Variants in ZNF362 observed in about 807,000 individuals in gnomAD.
The protein encoded by ZNF362 is zinc finger protein 362.
In ZNF362, 11 loss-of-function variants were observed where a neutral mutation model predicts 42.9. The ratio of observed to expected loss-of-function variants is 0.26; its 90% CI spans 0.16 to 0.42. The LOEUF is 0.42. Among genes scored for constraint, ZNF362 ranks in the 20% least tolerant of loss-of-function variants. The pLI is 1.00. For synonymous variants in ZNF362, 255 were observed against 257.3 expected, an observed-to-expected ratio of 0.99 and a Z score of 0.09; for missense variants, 362 against 576.2, an observed-to-expected ratio of 0.63 and a Z score of 3.81.
chr1:33,159,809 T>A, the ZNF362 span: 1 of 1,613,918 alleles, frequency 6.2e-7, no homozygotes, highest in Non-Finnish European at 8.5e-7. The surrounding 1 kb of genome is among the most constrained non-coding windows in gnomAD (Gnocchi z 4.2). Flanking sequence ...CGCTGGACTT[T>A]CTGCTCGATG....
intron 1 of ZNF362, among the ~76,000 whole-genome samples, chr1:33,263,082 CAT>C (rs1645840145): frequency 2.0e-5 from 3 of 152,378 alleles, no homozygotes; most frequent in East Asian, 1.9e-4. Context: ...TCCTTGTGCA[CAT>C]GTGTGTTTTT....
the ZNF362 span, among the ~76,000 whole-genome samples, chr1:33,250,381 A>G: frequency 0.03 from 4,606 of 152,332 alleles, 221 homozygotes; most frequent in African/African-American, 0.1. Flanking sequence ...TGTGCTACAT[A>G]TACACCATGG....
intron 2 of ZNF362, among the ~76,000 whole-genome samples, chr1:33,271,175 T>C (rs967399387): frequency 6.6e-6 from 1 of 152,220 alleles, no homozygotes; most frequent in African/African-American, 2.4e-5. Flanking sequence ...CCTTCAGGCC[T>C]AGGAGTCAGG....
the ZNF362 span, among the ~76,000 whole-genome samples, chr1:33,130,032 T>C: frequency 6.6e-6 from 1 of 152,136 alleles, no homozygotes; most frequent in Non-Finnish European, 1.5e-5. Flanking sequence ...GCTAATTTTG[T>C]ATTTTTAGTA....
At chr1:33,258,584 G>A (rs1645809228) in intron 1 of ZNF362, among the ~76,000 whole-genome samples, 1 of 152,150 alleles carries the variant, frequency 6.6e-6, no homozygotes, top group Admixed American at 6.5e-5. Context: ...CCAGGTAGAA[G>A]GAGACTGAGA....
At chr1:33,260,538 C>T (rs1221236887) in intron 1 of ZNF362, among the ~76,000 whole-genome samples, 2 of 152,244 alleles carry the variant, frequency 1.3e-5, no homozygotes, top group Non-Finnish European at 2.9e-5. Flanking sequence ...CACTCTCTCA[C>T]ATCAGCTGCT....
intron 6 of ZNF362, among the ~76,000 whole-genome samples, chr1:33,284,688 C>T (rs1557796343): frequency 6.6e-6 from 1 of 151,516 alleles, no homozygotes; most frequent in Non-Finnish European, 1.5e-5. Flanking sequence ...ATATTTTATT[C>T]CAGTTTATTG....
chr1:33,292,678 G>A (rs1213058033), intron 6 of ZNF362, among the ~76,000 whole-genome samples: 5 of 152,178 alleles, frequency 3.3e-5, no homozygotes, highest in African/African-American at 4.8e-5. Context: ...GGTAGAACTC[G>A]GCTGTGAATC....
upstream of ZNF362, among the ~76,000 whole-genome samples, chr1:33,254,290 A>T (rs1355300899): frequency 6.6e-6 from 1 of 151,942 alleles, no homozygotes; most frequent in Admixed American, 6.6e-5. Context: ...CGCCTGGCTA[A>T]TTTTTGTATT....
intron 6 of ZNF362, among the ~76,000 whole-genome samples, chr1:33,290,708 T>C (rs192753575): frequency 1.6e-3 from 250 of 151,942 alleles, no homozygotes; most frequent in Non-Finnish European, 2.6e-3. Flanking sequence ...TATTTCTCCA[T>C]ATCCTCTCCA....
At position 33,277,402 on chromosome 1, in the gene ZNF362, G is replaced by A. The variant is rs112673816; in HGVS notation, c.349+808G>A. Among the ~76,000 whole-genome samples, 58 of 152,334 alleles carry A rather than the reference G, an allele frequency of 3.8e-4. 2 individuals carry two copies. The highest frequency in any genetic ancestry group is 1.3e-3 in the African/African-American group (52 of 41,580). On this transcript the variant is annotated intron_variant, in intron 4 of 8. Transcript: ENST00000539719. The stretch of plus-strand genomic sequence containing the variant: ...TGATGCTGAGTTCTGCTGAGGCTTC[G>A]AGGAAGCAGGGACCAGATTAAAAAG...
chr1:33,275,503 T>C (rs958216975), intron 2 of ZNF362, among the ~76,000 whole-genome samples: 5 of 152,242 alleles, frequency 3.3e-5, no homozygotes, highest in Non-Finnish European at 7.3e-5. Flanking sequence ...TGAAGATAAC[T>C]TTCCAGAAGT....
the ZNF362 span, among the ~76,000 whole-genome samples, chr1:33,133,438 G>T: frequency 6.6e-6 from 1 of 152,210 alleles, no homozygotes; most frequent in South Asian, 2.1e-4. Flanking sequence ...CCCTGTCATC[G>T]TGGACCTTGA....
At chr1:33,145,911 C>T in the ZNF362 span, 121 of 471,114 alleles carry the variant, frequency 2.6e-4, no homozygotes, top group South Asian at 1.8e-3. Flanking sequence ...CTGGATCTGA[C>T]TTAAGTTCCC....
rs574161403 is a variant in ZNF362 at position 33,281,223 on chromosome 1, G to A, written c.684-364G>A. 2.6e-5 allele frequency among the ~76,000 whole-genome samples: 4 copies of A among 152,116 alleles called. No individual in the cohort carries two copies. Among genetic ancestry groups the A allele is most frequent in the Admixed American group, 6.5e-5 (1 of 15,276 alleles). ...GGGCAGGCGTTGGTATTTCTTAGAC[G>A]CTCCCCAGATGATTCTAATGAGCAG... On this transcript the variant is annotated intron_variant, in intron 5 of 8. Coordinates refer to ENST00000539719, the MANE Select transcript of ZNF362 (RefSeq NM_152493.3). The surrounding 1 kb of genome is among the most constrained non-coding windows in gnomAD (Gnocchi z 4.8).
Position 33,280,324 on chromosome 1 carries a change from C to T in ZNF362, c.550C>T (p.Leu184=). ...DSIKTIQGHG[L]LGPPKSERGR... ...CATCAAGACAATCCAGGGCCACGGC[C>T]TGCTTGGCCCCCCCAAGTCCGAACG... Residue 184 remains leucine, a synonymous_variant, in exon 5 of 9, where the codon CTG becomes TTG. Transcript: ENST00000539719. This position sits in a 1 kb window ranked among gnomAD's most constrained non-coding sequence, Gnocchi z 5.6. 1 of 1,614,064 alleles carries T rather than the reference C, an allele frequency of 6.2e-7. No homozygotes were observed. Among genetic ancestry groups the T allele is most frequent in the East Asian group, 2.2e-5 (1 of 44,870 alleles).
At chr1:33,163,600 C>G in the ZNF362 span, 1 of 152,274 alleles carries the variant, frequency 6.6e-6, no homozygotes, top group Non-Finnish European at 1.5e-5. Context: ...GCCCCCACCC[C>G]AACCCACCAC....
the ZNF362 span, among the ~76,000 whole-genome samples, chr1:33,176,918 G>A: frequency 6.6e-6 from 1 of 152,164 alleles, no homozygotes; most frequent in Non-Finnish European, 1.5e-5. Flanking sequence ...GACTGGGCTC[G>A]ATGAATATTG....
the ZNF362 span, among the ~76,000 whole-genome samples, chr1:33,227,318 G>C: frequency 6.6e-6 from 1 of 152,160 alleles, no homozygotes; most frequent in Non-Finnish European, 1.5e-5. Flanking sequence ...TTGACCAATA[G>C]AGTATGGTGG....
Sources: allele counts gnomAD v4.1 joint callset (sites outside exome capture counted in the v4.1 genomes callset), GRCh38; gene constraint gnomAD v4.1.1; non-coding constraint Gnocchi (gnomAD v3.1); transcripts MANE v1.5; gene names NCBI Gene and HGNC (gene_info 2026-07-23, HGNC 2026-07-21).